SYNDIG1L: variants seen among roughly 807,000 people sequenced by gnomAD.
The protein encoded by SYNDIG1L is synapse differentiation inducing 1 like, also known as synapse differentiation-inducing gene protein 1-like.
In SYNDIG1L, 13 loss-of-function variants were observed where a neutral mutation model predicts 20.1. That is an observed-to-expected ratio of 0.65 (90% CI 0.42 to 1.03). The LOEUF is 1.03. Ranked by LOEUF, SYNDIG1L falls within the 50% of genes least tolerant of loss-of-function variation. The pLI is 0.00. For synonymous variants in SYNDIG1L, 128 were observed against 129.3 expected (o/e 0.99, Z 0.07); for missense variants, 294 against 305.1 (o/e 0.96, Z 0.27).
chr14:74,479,679 A>G, the SYNDIG1L span: 1 of 167,180 alleles, frequency 6.0e-6, no homozygotes, highest in Non-Finnish European at 1.3e-5. Context: ...TCAACCTTTC[A>G]GGCGTTATTA....
chr14:74,406,156 G>C lies in SYNDIG1L; in HGVS notation c.*1379C>G. The C allele has an allele frequency of 2.5e-6, 1 of 398,834 alleles. No homozygotes were observed. Among genetic ancestry groups the C allele is most frequent in the Non-Finnish European group, 4.4e-6 (1 of 226,368 alleles). 24.7% of individuals were successfully genotyped at this position (398,834 alleles called of 1,614,324 possible). ...CATTGGTGCTGCCCCCCGCCTACCT[G>C]GAGATGTCTCTAAAATTCTGGATGT... On this transcript the variant is annotated 3_prime_UTR_variant, in exon 4 of 4. Coordinates refer to ENST00000331628, the MANE Select transcript of SYNDIG1L (RefSeq NM_001105579.2).
chr14:74,463,070 TGA>T, the SYNDIG1L span, among the ~76,000 whole-genome samples: 1 of 152,222 alleles, frequency 6.6e-6, no homozygotes, highest in African/African-American at 2.4e-5. Context: ...CCGGACTTCT[TGA>T]GAGAGTCGTG....
intron 1 of SYNDIG1L, among the ~76,000 whole-genome samples, chr14:74,421,338 A>T (rs529357508): frequency 2.2e-4 from 34 of 152,322 alleles, no homozygotes; most frequent in African/African-American, 6.7e-4. Flanking sequence ...AAATTATCTA[A>T]GACATAGAGC....
intron 1 of SYNDIG1L, among the ~76,000 whole-genome samples, chr14:74,424,291 G>A (rs1257249143): frequency 6.6e-6 from 1 of 152,214 alleles, no homozygotes; most frequent in Non-Finnish European, 1.5e-5. Flanking sequence ...GGACCTGCCT[G>A]AGACAGCGGC....
the SYNDIG1L span, among the ~76,000 whole-genome samples, chr14:74,442,725 T>C: frequency 6.6e-6 from 1 of 152,302 alleles, no homozygotes; most frequent in African/African-American, 2.4e-5. Flanking sequence ...TGAAATAATA[T>C]GGTAGCCTAG....
the SYNDIG1L span, among the ~76,000 whole-genome samples, chr14:74,447,646 G>A: frequency 5.9e-5 from 9 of 151,502 alleles, no homozygotes; most frequent in Non-Finnish European, 1.0e-4. Flanking sequence ...CACTCTCATA[G>A]TGGCAGATTT....
At chr14:74,411,458 A>T (rs1203177521) in intron 1 of SYNDIG1L, among the ~76,000 whole-genome samples, 1 of 152,156 alleles carries the variant, frequency 6.6e-6, no homozygotes, top group Non-Finnish European at 1.5e-5. Flanking sequence ...TTCTGCTCCC[A>T]GGGCTGCGAT....
At chr14:74,434,696 A>G in the SYNDIG1L span, among the ~76,000 whole-genome samples, 1 of 152,210 alleles carries the variant, frequency 6.6e-6, no homozygotes, top group African/African-American at 2.4e-5. Context: ...GCAAACTGGT[A>G]AGGGATTTAA....
intron 2 of SYNDIG1L, 32 bp from the exon 3 acceptor site, chr14:74,408,021 C>T (rs1352789166): frequency 6.3e-7 from 1 of 1,587,318 alleles, no homozygotes. Context: ...TGACCAGGCC[C>T]AGGATCAGCC....
At chr14:74,477,147 A>ACC in the SYNDIG1L span, among the ~76,000 whole-genome samples, 1 of 138,704 alleles carries the variant, frequency 7.2e-6, no homozygotes, top group African/African-American at 2.7e-5. Context: ...ACACACACAC[A>ACC]CCCTCGCCTG....
At chr14:74,466,853 G>A in the SYNDIG1L span, among the ~76,000 whole-genome samples, 1 of 152,190 alleles carries the variant, frequency 6.6e-6, no homozygotes, top group Non-Finnish European at 1.5e-5. Flanking sequence ...ATCACACATT[G>A]GAAATGTTTG....
At chr14:74,411,061 G>T (rs1019082876) in intron 1 of SYNDIG1L, among the ~76,000 whole-genome samples, 7 of 152,174 alleles carry the variant, frequency 4.6e-5, no homozygotes, top group African/African-American at 7.2e-5. Flanking sequence ...CCAGGGGCAG[G>T]CTAGGGGCCC....
chr14:74,456,501 C>G, the SYNDIG1L span, among the ~76,000 whole-genome samples: 2 of 152,028 alleles, frequency 1.3e-5, no homozygotes, highest in African/African-American at 4.8e-5. Flanking sequence ...TTCACCCCAG[C>G]CTGGGCAACA....
At chr14:74,458,772 A>G in the SYNDIG1L span, among the ~76,000 whole-genome samples, 3,328 of 152,138 alleles carry the variant, frequency 0.022, 152 homozygotes, top group African/African-American at 0.076. Context: ...CATTTTATAC[A>G]CACCTTGACA....
rs2086078384 is a variant in SYNDIG1L, at chr14:74,406,245, G to C, written c.*1290C>G. ...GAGATATCAGTGAAGATGCCCCAGG[G>C]GTAACCAGGTACCCACCACTGACCC... On this transcript the variant is annotated 3_prime_UTR_variant, in exon 4 of 4. Coordinates refer to ENST00000331628, the MANE Select transcript of SYNDIG1L (RefSeq NM_001105579.2). The C allele has an allele frequency of 1.0e-5, 4 of 396,788 alleles. No homozygotes were observed. The highest frequency in any genetic ancestry group is 1.8e-5 in the Non-Finnish European group (4 of 225,584). 24.6% of individuals were successfully genotyped at this position (396,788 alleles called of 1,614,324 possible). A position where few individuals can be genotyped will look rare whatever the true frequency, so the allele number is the denominator to read the frequency against.
chr14:74,446,695 C>A, the SYNDIG1L span, among the ~76,000 whole-genome samples: 2 of 151,112 alleles, frequency 1.3e-5, no homozygotes, highest in Non-Finnish European at 2.9e-5. Context: ...CGGCTCACTG[C>A]AACCTCTGCC....
At chr14:74,467,969 C>T in the SYNDIG1L span, among the ~76,000 whole-genome samples, 2,021 of 152,058 alleles carry the variant, frequency 0.013, 37 homozygotes, top group African/African-American at 0.047. Context: ...GATCTAGTGG[C>T]CTAGCATCCT....
At chr14:74,418,847 G>A (rs149252393) in intron 1 of SYNDIG1L, among the ~76,000 whole-genome samples, 5 of 152,200 alleles carry the variant, frequency 3.3e-5, no homozygotes, top group South Asian at 2.1e-4. Context: ...AGCCATTTTC[G>A]GTTCTTCAAA....
At chr14:74,413,583 G>GT (rs1555342853) in intron 1 of SYNDIG1L, among the ~76,000 whole-genome samples, 2 of 115,960 alleles carry the variant, frequency 1.7e-5, no homozygotes, top group African/African-American at 3.2e-5. Context: ...TTTTTATACT[G>GT]TTTTTTCTGT....
Sources: allele counts gnomAD v4.1 joint callset (sites outside exome capture counted in the v4.1 genomes callset), GRCh38; gene constraint gnomAD v4.1.1; transcripts MANE v1.5; gene names NCBI Gene and HGNC (gene_info 2026-07-23, HGNC 2026-07-21).